Variants in GPC6 observed in about 807,000 individuals in gnomAD.
The protein encoded by GPC6 is glypican-6.
A neutral mutation model predicts 55.2 loss-of-function variants in GPC6; 14 were observed. The observed-to-expected ratio is 0.25, with a 90% CI of 0.17 to 0.40. GPC6 has a LOEUF of 0.40. Among genes scored for constraint, GPC6 ranks in the 10% least tolerant of loss-of-function variants. The probability of loss-of-function intolerance (pLI) is 1.00; values close to 1 mark genes in which losing one functional copy is unlikely to be tolerated. For missense variants in GPC6, 641 were observed against 708.5 expected (o/e 0.90, Z 1.08); for synonymous variants, 278 against 259.6 (o/e 1.07, Z -0.68).
chr13:93,341,336 A>G (rs1292923028), intron 1 of GPC6, among the ~76,000 whole-genome samples: 2 of 152,198 alleles, frequency 1.3e-5, no homozygotes, highest in East Asian at 3.8e-4. Context: ...TGTTTTCCAT[A>G]GTGGTTGTAC....
chr13:93,341,307 C>A (rs1342377433), intron 1 of GPC6, among the ~76,000 whole-genome samples: 2 of 152,146 alleles, frequency 1.3e-5, no homozygotes, highest in Non-Finnish European at 2.9e-5. Context: ...ACTTTTTGTT[C>A]TTTAAGGAAT....
intron 2 of GPC6, among the ~76,000 whole-genome samples, chr13:93,748,845 A>G (rs1235738521): frequency 6.6e-6 from 1 of 151,952 alleles, no homozygotes; most frequent in Non-Finnish European, 1.5e-5. Flanking sequence ...AGTTTTGAGT[A>G]TATGTTCTTC....
intron 1 of GPC6, among the ~76,000 whole-genome samples, chr13:93,417,948 C>A (rs1341353956): frequency 6.6e-6 from 1 of 152,024 alleles, no homozygotes; most frequent in Non-Finnish European, 1.5e-5. Context: ...TCACTTCTAC[C>A]TGCTGAATTA....
intron 1 of GPC6, among the ~76,000 whole-genome samples, chr13:93,325,787 G>T (rs1879631958): frequency 6.6e-6 from 1 of 152,060 alleles, no homozygotes; most frequent in Non-Finnish European, 1.5e-5. Context: ...CATCTTATTT[G>T]TGTTGTAGAT....
At chr13:93,431,242 A>T (rs1193304259) in intron 1 of GPC6, among the ~76,000 whole-genome samples, 1 of 152,100 alleles carries the variant, frequency 6.6e-6, no homozygotes, top group Non-Finnish European at 1.5e-5. Flanking sequence ...TTGACCTGTG[A>T]TCAAGTCCTA....
chr13:93,905,689 G>T (rs1353641481), intron 3 of GPC6, among the ~76,000 whole-genome samples: 4 of 152,188 alleles, frequency 2.6e-5, no homozygotes, highest in Non-Finnish European at 4.4e-5. Context: ...CAAATAAATT[G>T]CTTTCTCTCT....
At chr13:93,670,626 T>G (rs927222758) in intron 2 of GPC6, among the ~76,000 whole-genome samples, 1 of 152,142 alleles carries the variant, frequency 6.6e-6, no homozygotes, top group African/African-American at 2.4e-5. Context: ...GCGATAATAA[T>G]CAGTATGAAA....
At chr13:93,576,687 T>C (rs1594281649) in intron 2 of GPC6, among the ~76,000 whole-genome samples, 1 of 152,092 alleles carries the variant, frequency 6.6e-6, no homozygotes, top group South Asian at 2.1e-4. Context: ...CAATAAAACA[T>C]AAAATTTTAC....
At chr13:93,843,442 G>GAAT (rs1283089689) in intron 3 of GPC6, among the ~76,000 whole-genome samples, 1 of 152,088 alleles carries the variant, frequency 6.6e-6, no homozygotes, top group African/African-American at 2.4e-5. Flanking sequence ...TATATAAAGG[G>GAAT]GAGATAAGGA....
intron 2 of GPC6, among the ~76,000 whole-genome samples, chr13:93,815,445 A>G (rs1424820763): frequency 6.6e-6 from 1 of 152,182 alleles, no homozygotes; most frequent in Non-Finnish European, 1.5e-5. Flanking sequence ...TTTTAACATG[A>G]TGAAAAATGA....
At chr13:93,878,224 G>A (rs1874710970) in intron 3 of GPC6, among the ~76,000 whole-genome samples, 1 of 151,990 alleles carries the variant, frequency 6.6e-6, no homozygotes, top group Non-Finnish European at 1.5e-5. Flanking sequence ...TTAACCCCAA[G>A]TACAATAGTA....
chr13:93,481,715 G>T (rs1305880260), intron 1 of GPC6, among the ~76,000 whole-genome samples: 11 of 151,892 alleles, frequency 7.2e-5, no homozygotes, highest in Admixed American at 7.2e-4. Context: ...CCATTGAATG[G>T]CCATGGCACC....
At chr13:94,230,569 A>C (rs1890692410) in intron 4 of GPC6, among the ~76,000 whole-genome samples, 1 of 152,094 alleles carries the variant, frequency 6.6e-6, no homozygotes, top group South Asian at 2.1e-4. Flanking sequence ...GGAGCCACTA[A>C]TGATCATCTA....
intron 3 of GPC6, among the ~76,000 whole-genome samples, chr13:93,913,261 C>T (rs1877104877): frequency 6.6e-6 from 1 of 152,152 alleles, no homozygotes; most frequent in Non-Finnish European, 1.5e-5. Flanking sequence ...TTGAAAAGGC[C>T]AAAGGCGAGG....
chr13:93,971,253 T>G (rs940185789), intron 3 of GPC6, among the ~76,000 whole-genome samples: 3 of 152,192 alleles, frequency 2.0e-5, no homozygotes, highest in African/African-American at 7.2e-5. Context: ...AATAATTCAT[T>G]ATTGAATATG....
Position 94,170,609 on chromosome 13 carries a change from CA to C in GPC6, c.878-115739del, listed in dbSNP as rs1888531299. ...TTCCTTTTGGGCACTGACTTTTCCC[CA>C]TAAGTATTAACTCTTTGCTATCCTC... On this transcript the variant is annotated intron_variant, in intron 4 of 8. Transcript: ENST00000377047. Among the ~76,000 whole-genome samples, 6 of 152,294 alleles carry C rather than the reference CA, an allele frequency of 3.9e-5. No individual in the cohort carries two copies. In the South Asian group the frequency reaches 1.2e-3, roughly 32 times the overall value.
At chr13:93,422,823 G>A (rs1389152207) in intron 1 of GPC6, among the ~76,000 whole-genome samples, 2 of 152,138 alleles carry the variant, frequency 1.3e-5, no homozygotes, top group African/African-American at 4.8e-5. Context: ...CTGTAAAAAA[G>A]GTCTTCTTTG....
chr13:93,807,393 C>T lies in GPC6; in HGVS notation c.320-22761C>T, dbSNP rs564710501. On this transcript the variant is annotated intron_variant, in intron 2 of 8. Transcript: ENST00000377047. Reference sequence around the variant, plus strand: ...CAAATTCAGAAGGTAAGCACAGATTCCCAAGACGTAATTCCTCAGGGGAAT... The same window carrying T: ...CAAATTCAGAAGGTAAGCACAGATTTCCAAGACGTAATTCCTCAGGGGAAT... Among the ~76,000 whole-genome samples, 3 of 152,266 alleles carry T rather than the reference C, an allele frequency of 2.0e-5. No individual in the cohort carries two copies. In the South Asian group the frequency reaches 6.2e-4, roughly 32 times the overall value.
intron 2 of GPC6, among the ~76,000 whole-genome samples, chr13:93,797,374 T>C (rs1402716222): frequency 1.3e-5 from 2 of 152,170 alleles, no homozygotes; most frequent in East Asian, 1.9e-4. Flanking sequence ...AGAACAGATA[T>C]TTTATCTAGT....
Sources: allele counts gnomAD v4.1 joint callset (sites outside exome capture counted in the v4.1 genomes callset), GRCh38; gene constraint gnomAD v4.1.1; transcripts MANE v1.5; gene names NCBI Gene and HGNC (gene_info 2026-07-23, HGNC 2026-07-21).